The following NTM variants were observed in gnomAD, a reference collection of about 807,000 sequenced individuals.
NTM encodes the protein IgLON family member 2.
NTM carries 13 observed loss-of-function variants against 42.1 expected under a neutral mutation model. The observed-to-expected ratio is 0.31, with a 90% CI of 0.20 to 0.49. The LOEUF is 0.49. Ranked by LOEUF, NTM falls within the 20% of genes least tolerant of loss-of-function variation. NTM has a pLI of 0.99. For missense variants in NTM, 373 were observed against 452.8 expected, an observed-to-expected ratio of 0.82 and a Z score of 1.60; for synonymous variants, 187 against 179.2, an observed-to-expected ratio of 1.04 and a Z score of -0.35.
Position 131,608,609 on chromosome 11 carries a change from G to A in NTM, c.82+237721G>A, listed in dbSNP as rs1049367126. ...AGATGTGCATGAAGCCACGGCCCTC[G>A]ATTCTAGGCCTTGCTCCTGGGAACA... On this transcript the variant is annotated intron_variant, in intron 1 of 8. Transcript: ENST00000683400. Among the ~76,000 whole-genome samples the A allele has an allele frequency of 7.2e-5, 11 of 152,282 alleles. No homozygotes were observed. In the South Asian group the frequency reaches 8.3e-4, roughly 11 times the overall value.
At chr11:131,574,004 T>A (rs1164527765) in intron 1 of NTM, among the ~76,000 whole-genome samples, 1 of 152,178 alleles carries the variant, frequency 6.6e-6, no homozygotes, top group Non-Finnish European at 1.5e-5. Flanking sequence ...CTTTTCCTTA[T>A]TTTTAAAGCA....
chr11:131,452,952 T>C (rs1410359969), intron 1 of NTM, among the ~76,000 whole-genome samples: 1 of 152,142 alleles, frequency 6.6e-6, no homozygotes, highest in African/African-American at 2.4e-5. Context: ...GAATTGTCAA[T>C]GTCCTGGGTG....
chr11:132,286,855 C>T (rs746756721), intron 4 of NTM, among the ~76,000 whole-genome samples: 3 of 152,186 alleles, frequency 2.0e-5, no homozygotes, highest in African/African-American at 4.8e-5. Flanking sequence ...GCCATCTGTT[C>T]GCAGGATCCC....
chr11:132,074,234 T>C (rs186250618), intron 2 of NTM, among the ~76,000 whole-genome samples: 92 of 152,304 alleles, frequency 6.0e-4, no homozygotes, highest in Non-Finnish European at 1.0e-3. Flanking sequence ...TTACAGGCCA[T>C]TGGACACTGG....
chr11:131,620,700 C>T (rs1360273533), intron 1 of NTM, among the ~76,000 whole-genome samples: 1 of 152,196 alleles, frequency 6.6e-6, no homozygotes, highest in Non-Finnish European at 1.5e-5. Flanking sequence ...TGCTCCCACG[C>T]TATTTCCTAA....
intron 1 of NTM, among the ~76,000 whole-genome samples, chr11:131,731,969 A>T (rs545774400): frequency 6.6e-6 from 1 of 152,330 alleles, no homozygotes; most frequent in African/African-American, 2.4e-5. Context: ...TTGGTAGAGC[A>T]GAGTGGTTAT....
chr11:131,671,612 C>T (rs2134644144), intron 1 of NTM: 1 of 985,316 alleles, frequency 1.0e-6, no homozygotes, highest in Non-Finnish European at 1.2e-6. Flanking sequence ...TGCGACTTGG[C>T]AGAGGTGGCA....
intron 1 of NTM, among the ~76,000 whole-genome samples, chr11:131,496,692 C>T (rs1955380960): frequency 6.6e-6 from 1 of 152,208 alleles, no homozygotes; most frequent in African/African-American, 2.4e-5. Context: ...TGTTCCAGTT[C>T]AATAATGCAT....
At chr11:131,721,996 CAAAAAAA>C (rs71475771) in intron 1 of NTM, among the ~76,000 whole-genome samples, 25 of 10,280 alleles carry the variant, frequency 2.4e-3, no homozygotes, top group South Asian at 0.01. Flanking sequence ...AACTCTGTCT[CAAAAAAA>C]AAAAAAAAAA....
intron 4 of NTM, among the ~76,000 whole-genome samples, chr11:132,264,752 T>G (rs1308527579): frequency 6.6e-6 from 1 of 152,178 alleles, no homozygotes; most frequent in Non-Finnish European, 1.5e-5. Context: ...CCCAAGTATT[T>G]TCAACTTTAT....
intron 1 of NTM, among the ~76,000 whole-genome samples, chr11:131,890,216 C>T (rs999374960): frequency 6.6e-6 from 1 of 151,964 alleles, no homozygotes; most frequent in Admixed American, 6.6e-5. Flanking sequence ...CACATATCCA[C>T]CTCACCCCTG....
At chr11:131,559,733 T>C (rs2055972068) in intron 1 of NTM, among the ~76,000 whole-genome samples, 1 of 152,212 alleles carries the variant, frequency 6.6e-6, no homozygotes, top group African/African-American at 2.4e-5. Flanking sequence ...GCCACAGCTT[T>C]GACTCTAGCT....
At chr11:131,814,880 C>T (rs1592045826) in intron 1 of NTM, among the ~76,000 whole-genome samples, 1 of 152,146 alleles carries the variant, frequency 6.6e-6, no homozygotes, top group Non-Finnish European at 1.5e-5. Flanking sequence ...CAAGCAATCA[C>T]CAAGTAAACT....
At chr11:131,856,431 A>G (rs1302369572) in intron 1 of NTM, among the ~76,000 whole-genome samples, 2 of 152,224 alleles carry the variant, frequency 1.3e-5, no homozygotes, top group Non-Finnish European at 2.9e-5. Flanking sequence ...ATATCTCACC[A>G]AAATTATATT....
rs926032720 is a variant in NTM, at chr11:132,005,315, A to G, written c.167+93667A>G. ...ATCTTCTCTTGGGTGATGAATATCT[A>G]CAAAACCTTAGGTAAGACACATTTT... On this transcript the variant is annotated intron_variant, in intron 2 of 8. Transcript: ENST00000683400. Among the ~76,000 whole-genome samples, 5 of 152,306 alleles carry G rather than the reference A, an allele frequency of 3.3e-5. 1 individual carries two copies. The South Asian group carries it at 8.3e-4, about 25-fold the overall frequency.
At chr11:132,314,524 CTTCTTTT>C in intron 6 of NTM, 21 bp from the exon 7 acceptor site, 2 of 1,594,034 alleles carry the variant, frequency 1.3e-6, no homozygotes, top group Non-Finnish European at 1.7e-6. Flanking sequence ...ATCTTGTTTT[CTTCTTTT>C]TTGTCTTTTG....
chr11:132,019,659 G>T (rs965726573), intron 2 of NTM, among the ~76,000 whole-genome samples: 1 of 151,260 alleles, frequency 6.6e-6, no homozygotes, highest in Non-Finnish European at 1.5e-5. Flanking sequence ...CTTTCTTATG[G>T]TTACTGTTTG....
At position 131,812,183 on chromosome 11, in the gene NTM, C is replaced by CCTCTCTCTCTCTCTCTCTCTCT. The variant is rs145003478; in HGVS notation, c.83-99364_83-99343dup. Among the ~76,000 whole-genome samples, 126 of 143,012 alleles carry CCTCTCTCTCTCTCTCTCTCTCT rather than the reference C, an allele frequency of 8.8e-4. 1 individual carries two copies. The highest frequency in any genetic ancestry group is 3.3e-3 in the African/African-American group (121 of 36,284). 93.8% of individuals were successfully genotyped at this position (143,012 alleles called of 152,430 possible). A position where few individuals can be genotyped will look rare whatever the true frequency, so the allele number is the denominator to read the frequency against. ...CTTTGTCAGAAAGATAATTAGTCAG[C>CCTCTCTCTCTCTCTCTCTCTCT]CTCTCTCTCTCTCTCTCTCTCTCTC... On this transcript the variant is annotated intron_variant, in intron 1 of 8. Transcript: ENST00000683400.
chr11:131,714,694 T>A (rs999037330), intron 1 of NTM, among the ~76,000 whole-genome samples: 1 of 152,194 alleles, frequency 6.6e-6, no homozygotes, highest in Non-Finnish European at 1.5e-5. Context: ...CATGCCACTA[T>A]TTGGAGTAGC....
Sources: allele counts gnomAD v4.1 joint callset (sites outside exome capture counted in the v4.1 genomes callset), GRCh38; gene constraint gnomAD v4.1.1; transcripts MANE v1.5; gene names NCBI Gene and HGNC (gene_info 2026-07-23, HGNC 2026-07-21).